FHIT: variants seen among roughly 807,000 people sequenced by gnomAD.
FHIT encodes bis(5'-adenosyl)-triphosphatase.
FHIT carries 19 observed loss-of-function variants against 17.9 expected under a neutral mutation model. The observed-to-expected ratio is 1.06, with a 90% CI of 0.74 to 1.56. FHIT has a LOEUF of 1.56. Ranked by LOEUF, FHIT falls within the 40% of genes most tolerant of loss-of-function variation. FHIT has a pLI of 0.00. For missense variants in FHIT, 248 were observed against 189.2 expected (o/e 1.31, Z -1.82); for synonymous variants, 81 against 69.7 (o/e 1.16, Z -0.81).
chr3:60,077,701 C>CAA (rs1361849604), intron 5 of FHIT, among the ~76,000 whole-genome samples: 1 of 102,614 alleles, frequency 9.7e-6, no homozygotes, highest in Non-Finnish European at 2.0e-5. Flanking sequence ...CACACACACA[C>CAA]ACACACACAC....
chr3:60,855,823 C>T (rs1703357967), intron 3 of FHIT, among the ~76,000 whole-genome samples: 1 of 152,014 alleles, frequency 6.6e-6, no homozygotes, highest in Non-Finnish European at 1.5e-5. Context: ...CTCTCCAGCC[C>T]TAAGGAACTC....
At chr3:60,980,228 T>C (rs1195937724) in intron 3 of FHIT, among the ~76,000 whole-genome samples, 1 of 152,128 alleles carries the variant, frequency 6.6e-6, no homozygotes, top group Non-Finnish European at 1.5e-5. Context: ...TTACTCTGTA[T>C]AAAGCATAAG....
At chr3:60,685,444 G>A (rs1268530629) in intron 4 of FHIT, among the ~76,000 whole-genome samples, 4 of 152,046 alleles carry the variant, frequency 2.6e-5, no homozygotes, top group Admixed American at 1.3e-4. Flanking sequence ...AGCAAACCAT[G>A]TTATGTCTTC....
chr3:60,044,971 A>G (rs561898746), intron 5 of FHIT, among the ~76,000 whole-genome samples: 2 of 152,264 alleles, frequency 1.3e-5, no homozygotes, highest in African/African-American at 4.8e-5. Context: ...ACACTGATCA[A>G]TTGAAGTTAT....
At chr3:60,842,701 G>T (rs1702783356) in intron 3 of FHIT, among the ~76,000 whole-genome samples, 3 of 134,048 alleles carry the variant, frequency 2.2e-5, no homozygotes, top group East Asian at 4.5e-4. Flanking sequence ...TTTAAAAAAT[G>T]AAAGTCCACA....
At chr3:60,717,162 G>C (rs1553707009) in intron 4 of FHIT, among the ~76,000 whole-genome samples, 1 of 152,146 alleles carries the variant, frequency 6.6e-6, no homozygotes, top group Non-Finnish European at 1.5e-5. Context: ...GAAAAAAATG[G>C]GGAGGTGTTG....
chr3:60,736,387 A>AC (rs2042133427), intron 4 of FHIT, among the ~76,000 whole-genome samples: 1 of 152,182 alleles, frequency 6.6e-6, no homozygotes, highest in African/African-American at 2.4e-5. Flanking sequence ...GGGAAAAAAA[A>AC]CCTTAAATTT....
chr3:60,403,534 T>C (rs745876999), intron 5 of FHIT, among the ~76,000 whole-genome samples: 1 of 152,182 alleles, frequency 6.6e-6, no homozygotes, highest in Non-Finnish European at 1.5e-5. Context: ...AAAAATATTA[T>C]TCTAATCCCT....
chr3:60,247,991 C>A (rs571971937), intron 5 of FHIT, among the ~76,000 whole-genome samples: 137 of 152,174 alleles, frequency 9.0e-4, no homozygotes, highest in South Asian at 3.1e-3. Context: ...AAACATGACA[C>A]CTTCAAAAAT....
chr3:59,802,520 C>T (rs990716969), intron 8 of FHIT, among the ~76,000 whole-genome samples: 2 of 152,162 alleles, frequency 1.3e-5, no homozygotes, highest in African/African-American at 2.4e-5. Context: ...GAAGCTCCCC[C>T]ACTGAGCACC....
In FHIT at chr3:59,799,851, G is replaced by A. The variant is rs1483212600; in HGVS notation, c.349-47530C>T. On this transcript the variant is annotated intron_variant, in intron 8 of 9. Transcript: ENST00000492590. ...CAAGAAAAAAGTCCCTTGTGGGGGC[G>A]ATTTTTTAAAATGGTTCACTGCAGG... Among the ~76,000 whole-genome samples the A allele has an allele frequency of 4.6e-5, 7 of 152,140 alleles. No homozygotes were observed. In the South Asian group the frequency reaches 8.3e-4, roughly 18 times the overall value.
chr3:60,497,385 T>C (rs2107515331), intron 5 of FHIT, among the ~76,000 whole-genome samples: 1 of 152,342 alleles, frequency 6.6e-6, no homozygotes, highest in Non-Finnish European at 1.5e-5. Context: ...CACATTATTC[T>C]TTGTACATTC....
intron 4 of FHIT, among the ~76,000 whole-genome samples, chr3:60,640,155 G>C (rs1653686061): frequency 6.6e-6 from 1 of 152,146 alleles, no homozygotes; most frequent in Admixed American, 6.5e-5. Flanking sequence ...TCCACAGTGT[G>C]GCACAAGGAA....
At chr3:60,342,672 T>G (rs530973683) in intron 5 of FHIT, among the ~76,000 whole-genome samples, 1 of 152,298 alleles carries the variant, frequency 6.6e-6, no homozygotes, top group East Asian at 1.9e-4. Context: ...GAAAAAACTT[T>G]GAGCCCAACA....
chr3:60,759,908 C>CT (rs1319182014), intron 4 of FHIT, among the ~76,000 whole-genome samples: 2 of 152,180 alleles, frequency 1.3e-5, no homozygotes, highest in South Asian at 2.1e-4. Context: ...AGGCTTCTTT[C>CT]TTTTTTTCTT....
intron 8 of FHIT, among the ~76,000 whole-genome samples, chr3:59,754,005 C>G (rs1312282828): frequency 6.6e-6 from 1 of 152,166 alleles, no homozygotes; most frequent in Non-Finnish European, 1.5e-5. Context: ...ATTTTGCCAA[C>G]TCAGCAAAAA....
At chr3:61,008,970 T>C (rs2031624309) in intron 3 of FHIT, among the ~76,000 whole-genome samples, 1 of 152,186 alleles carries the variant, frequency 6.6e-6, no homozygotes, top group Non-Finnish European at 1.5e-5. Flanking sequence ...CTGATACAGC[T>C]ACTCGATAGT....
chr3:60,139,745 C>T (rs566460747), intron 5 of FHIT, among the ~76,000 whole-genome samples: 1 of 151,936 alleles, frequency 6.6e-6, no homozygotes, highest in African/African-American at 2.4e-5. Flanking sequence ...AATTACGTCC[C>T]GAGGTTCCTT....
intron 5 of FHIT, among the ~76,000 whole-genome samples, chr3:60,135,394 C>A (rs1699775519): frequency 6.6e-6 from 1 of 151,954 alleles, no homozygotes; most frequent in Non-Finnish European, 1.5e-5. Flanking sequence ...ACAGCTCAGC[C>A]CAGACTCTAT....
Sources: gnomAD v4.1 joint callset for allele counts (sites outside exome capture counted in the v4.1 genomes callset) on GRCh38, gnomAD v4.1.1 for gene constraint, MANE v1.5 for transcripts, NCBI Gene and HGNC (gene_info 2026-07-23, HGNC 2026-07-21) for gene names.